Variants in ATF6 observed in about 807,000 individuals in gnomAD.
ATF6 encodes activating transcription factor 6, also known as cyclic AMP-dependent transcription factor ATF-6 alpha.
Under a neutral mutation model 83.6 loss-of-function variants are expected in ATF6, and 53 were observed. The observed-to-expected ratio is 0.63, with a 90% confidence interval of 0.51 to 0.80. ATF6 has a LOEUF of 0.80. ATF6 is among the 30% of genes least tolerant of loss of function. ATF6 has a pLI of 0.00. For missense variants in ATF6, 744 were observed against 797.9 expected (o/e 0.93, Z 0.81); for synonymous variants, 288 against 285.8 (o/e 1.01, Z -0.08).
intron 15 of ATF6, among the ~76,000 whole-genome samples, chr1:161,926,687 G>A (rs949933537): frequency 3.9e-5 from 6 of 152,158 alleles, no homozygotes; most frequent in Admixed American, 6.5e-5. Flanking sequence ...ACCAGAAAGT[G>A]GGGATCATTT....
chr1:161,792,183 A>C lies in ATF6; in HGVS notation c.544A>C (p.Lys182Gln). The C allele has an allele frequency of 6.2e-7, 1 of 1,614,168 alleles. No homozygotes were observed. The highest frequency in any genetic ancestry group is 8.5e-7 in the Non-Finnish European group (1 of 1,180,018). Residue 182 changes from lysine (K) to glutamine (Q), a missense_variant, in exon 6 of 16, where the codon AAG becomes CAG. Coordinates refer to ENST00000367942, the MANE Select transcript of ATF6 (RefSeq NM_007348.4). ...GAATTCAAAACCTTCAATTCAGCCCAAGCCTTTATTGCTTCCAGCAGCACC... is the reference window on the plus strand; with the variant it reads ...GAATTCAAAACCTTCAATTCAGCCCCAGCCTTTATTGCTTCCAGCAGCACC... ...QVNSKPSIQP[K>Q]PLLLPAAPKT...
chr1:161,824,386 T>TAAAAAA (rs72265058), intron 9 of ATF6, among the ~76,000 whole-genome samples: 1 of 140,268 alleles, frequency 7.1e-6, no homozygotes, highest in South Asian at 2.2e-4. Context: ...TGGTCAAAAT[T>TAAAAAA]AAAAAAAAAA....
chr1:161,914,533 C>T (rs550797933), intron 15 of ATF6, among the ~76,000 whole-genome samples: 23 of 152,256 alleles, frequency 1.5e-4, no homozygotes, highest in Middle Eastern at 3.4e-3. Flanking sequence ...TTTTATTCCG[C>T]GCCACCTCAG....
intron 12 of ATF6, among the ~76,000 whole-genome samples, chr1:161,856,961 A>T (rs1287051146): frequency 6.6e-6 from 1 of 152,174 alleles, no homozygotes; most frequent in Non-Finnish European, 1.5e-5. Context: ...GGGAGCTTAG[A>T]TATGCTCAGA....
At chr1:161,943,828 T>C (rs1464252340) in intron 15 of ATF6, among the ~76,000 whole-genome samples, 1 of 152,232 alleles carries the variant, frequency 6.6e-6, no homozygotes, top group Non-Finnish European at 1.5e-5. Context: ...CCACCTTCCA[T>C]GCTTTAGTTT....
chr1:161,895,817 C>T (rs925426019), intron 14 of ATF6, among the ~76,000 whole-genome samples: 1 of 152,170 alleles, frequency 6.6e-6, no homozygotes, highest in African/African-American at 2.4e-5. Flanking sequence ...ATGCCTTATA[C>T]TGATTAGATG....
intron 9 of ATF6, among the ~76,000 whole-genome samples, chr1:161,831,273 G>A (rs1686053430): frequency 1.3e-5 from 2 of 152,298 alleles, no homozygotes; most frequent in Non-Finnish European, 1.5e-5. Context: ...TAAAATGGCA[G>A]TCATTACAAA....
chr1:161,792,039 G>A, intron 5 of ATF6, 85 bp from the exon 6 acceptor site: 1 of 1,114,396 alleles, frequency 9.0e-7, no homozygotes, highest in Non-Finnish European at 1.3e-6. Context: ...ATAATGTGTA[G>A]AGAAAGGTGT....
intron 14 of ATF6, among the ~76,000 whole-genome samples, chr1:161,898,534 G>GT (rs997340944): frequency 1.3e-4 from 19 of 150,630 alleles, no homozygotes; most frequent in East Asian, 3.9e-4. Flanking sequence ...GTGTGTGTGT[G>GT]TTTTTTTTGT....
chr1:161,924,794 A>G (rs985399871), intron 15 of ATF6, among the ~76,000 whole-genome samples: 2 of 152,172 alleles, frequency 1.3e-5, no homozygotes, highest in South Asian at 2.1e-4. Context: ...TCATTATGGT[A>G]TGGATTAGGA....
rs1408573998 is a variant in ATF6 at position 161,828,689 on chromosome 1, CT to C, written c.1187+7531del. Reference sequence around the variant, plus strand: ...AAATGAAAAGTCTTTCCTGATAATTCTTTACTCAAAGCCCCTACCTAATCAG... The same window carrying C: ...AAATGAAAAGTCTTTCCTGATAATTCTTACTCAAAGCCCCTACCTAATCAG... On this transcript the variant is annotated intron_variant, in intron 9 of 15. Transcript: ENST00000367942. Among the ~76,000 whole-genome samples the C allele has an allele frequency of 4.6e-5, 7 of 152,266 alleles. No individual in the cohort carries two copies. In the East Asian group the frequency reaches 1.2e-3, roughly 25 times the overall value.
At chr1:161,935,723 C>G (rs1688522390) in intron 15 of ATF6, among the ~76,000 whole-genome samples, 1 of 152,172 alleles carries the variant, frequency 6.6e-6, no homozygotes, top group African/African-American at 2.4e-5. Flanking sequence ...TTGTAATTTT[C>G]TCATATGAGA....
chr1:161,794,904 G>C (rs1037178477), intron 6 of ATF6, among the ~76,000 whole-genome samples: 2 of 152,170 alleles, frequency 1.3e-5, no homozygotes, highest in Non-Finnish European at 2.9e-5. Flanking sequence ...CTTAGAGATT[G>C]GTAATTGGAT....
At chr1:161,838,817 AT>A (rs1010076803) in intron 9 of ATF6, among the ~76,000 whole-genome samples, 4 of 152,292 alleles carry the variant, frequency 2.6e-5, no homozygotes, top group African/African-American at 9.6e-5. Flanking sequence ...GAGAACTGCT[AT>A]TTAGAGGGTT....
chr1:161,884,760 T>G (rs2101862277), intron 14 of ATF6, among the ~76,000 whole-genome samples: 1 of 152,264 alleles, frequency 6.6e-6, no homozygotes, highest in African/African-American at 2.4e-5. Flanking sequence ...AAATATTGGT[T>G]TAAGTGTTGA....
chr1:161,844,620 AT>A (rs1435040561), intron 9 of ATF6, among the ~76,000 whole-genome samples: 1 of 152,112 alleles, frequency 6.6e-6, no homozygotes, highest in Non-Finnish European at 1.5e-5. Flanking sequence ...ATTAATTGAG[AT>A]TCTCTAAACT....
intron 7 of ATF6, among the ~76,000 whole-genome samples, chr1:161,813,805 C>T (rs1189274781): frequency 6.6e-6 from 1 of 151,836 alleles, no homozygotes; most frequent in African/African-American, 2.4e-5. Flanking sequence ...ATTAAGGACT[C>T]CTAACTTCCA....
chr1:161,809,799 G>A (rs1457056226), intron 7 of ATF6, among the ~76,000 whole-genome samples: 4 of 152,186 alleles, frequency 2.6e-5, no homozygotes, highest in Non-Finnish European at 4.4e-5. Context: ...CAGTGATGAT[G>A]AGCATTTTTT....
In ATF6 at chr1:161,901,711, G is replaced by A. The variant is rs151181591; in HGVS notation, c.1720-10585G>A. On this transcript the variant is annotated intron_variant, in intron 14 of 15. Transcript: ENST00000367942. Reference sequence around the variant, plus strand: ...ACTTTAATAGCCTTTTCAAATAATTGTGAATTATTGTTTTGATACTACATA... The same window carrying A: ...ACTTTAATAGCCTTTTCAAATAATTATGAATTATTGTTTTGATACTACATA... Among the ~76,000 whole-genome samples, 33 of 152,160 alleles carry A rather than the reference G, an allele frequency of 2.2e-4. No homozygotes were observed. In the East Asian group the frequency reaches 6.0e-3, roughly 28 times the overall value.
Sources: allele counts gnomAD v4.1 joint callset (sites outside exome capture counted in the v4.1 genomes callset), GRCh38; gene constraint gnomAD v4.1.1; transcripts MANE v1.5; gene names NCBI Gene and HGNC (gene_info 2026-07-23, HGNC 2026-07-21).